Variants in VPS13A observed in about 807,000 individuals in gnomAD.
The protein encoded by VPS13A is vacuolar protein sorting 13 homolog A, also known as intermembrane lipid transfer protein VPS13A.
In VPS13A, 264 loss-of-function variants were observed where a neutral mutation model predicts 390.9. The ratio of observed to expected loss-of-function variants is 0.68; its 90% confidence interval spans 0.61 to 0.75. VPS13A has a LOEUF of 0.75. VPS13A is among the 30% of genes least tolerant of loss of function. The pLI is 0.00. For synonymous variants in VPS13A, 1,231 were observed against 1,227.1 expected (o/e 1.00, Z -0.07); for missense variants, 3,409 against 3,733.9 (o/e 0.91, Z 2.27).
At chr9:77,273,761 A>G (rs953519403) in intron 24 of VPS13A, among the ~76,000 whole-genome samples, 2 of 152,174 alleles carry the variant, frequency 1.3e-5, no homozygotes, top group Non-Finnish European at 2.9e-5. Context: ...CAGATATGTC[A>G]GTGTTTTCTC....
At chr9:77,308,461 C>T (rs1828893368) in intron 35 of VPS13A, among the ~76,000 whole-genome samples, 1 of 152,024 alleles carries the variant, frequency 6.6e-6, no homozygotes. Context: ...CCATCTTCTC[C>T]CTATCCCTAG....
intron 44 of VPS13A, 102 bp downstream of exon 44, chr9:77,321,848 TTTTG>T: frequency 2.9e-6 from 4 of 1,402,466 alleles, no homozygotes; most frequent in Non-Finnish European, 3.9e-6. Context: ...TTTTTTTTGT[TTTTG>T]TTTTTGTTTT....
intron 52 of VPS13A, among the ~76,000 whole-genome samples, chr9:77,347,832 G>A (rs1013200296): frequency 1.3e-5 from 2 of 150,172 alleles, no homozygotes; most frequent in Admixed American, 6.6e-5. Context: ...TTATCTTTCC[G>A]TGGCCTAAAT....
At chr9:77,223,594 G>A (rs553095153) in intron 13 of VPS13A, among the ~76,000 whole-genome samples, 13 of 152,264 alleles carry the variant, frequency 8.5e-5, no homozygotes, top group African/African-American at 2.6e-4. Context: ...CTTATCCAGT[G>A]CAAGGCCCTA....
chr9:77,404,658 T>C (rs1834519842), intron 69 of VPS13A, among the ~76,000 whole-genome samples: 1 of 152,214 alleles, frequency 6.6e-6, no homozygotes, highest in Non-Finnish European at 1.5e-5. Context: ...TGGACCTCTT[T>C]AGATGAGGCC....
chr9:77,194,274 G>A (rs1014219294), intron 1 of VPS13A, among the ~76,000 whole-genome samples: 5 of 152,158 alleles, frequency 3.3e-5, no homozygotes, highest in Admixed American at 6.5e-5. Flanking sequence ...GGTGGCTGTC[G>A]GGAAGTGCTG....
chr9:77,384,900 G>A, intron 68 of VPS13A: 1 of 1,382,860 alleles, frequency 7.2e-7, no homozygotes, highest in South Asian at 1.6e-5. Flanking sequence ...ACATATTATA[G>A]ATTTGCTTTT....
chr9:77,356,629 G>T (rs912072442), intron 54 of VPS13A, 85 bp from the exon 55 acceptor site: 6 of 1,417,828 alleles, frequency 4.2e-6, no homozygotes, highest in Non-Finnish European at 4.8e-6. Context: ...TTTAGTGAAG[G>T]TATTGTAATT....
intron 27 of VPS13A, 110 bp from the exon 28 acceptor site, chr9:77,281,756 TA>T: frequency 1.6e-6 from 1 of 615,126 alleles, no homozygotes; most frequent in Non-Finnish European, 2.9e-6. Flanking sequence ...TATATATATA[TA>T]TGTATATGAA....
At chr9:77,381,205 A>T (rs1833415448) in intron 67 of VPS13A, among the ~76,000 whole-genome samples, 2 of 152,116 alleles carry the variant, frequency 1.3e-5, no homozygotes, top group Admixed American at 6.6e-5. Context: ...GTGCAGTGGC[A>T]TGGGGCTCAA....
At chr9:77,390,012 C>A in intron 68 of VPS13A, 1 of 888,834 alleles carries the variant, frequency 1.1e-6, no homozygotes, top group Non-Finnish European at 1.3e-6. Context: ...AAGATAACTG[C>A]CGTCAGCCGA....
At chr9:77,308,694 G>A (rs1392811358) in intron 35 of VPS13A, among the ~76,000 whole-genome samples, 1 of 152,106 alleles carries the variant, frequency 6.6e-6, no homozygotes, top group African/African-American at 2.4e-5. Context: ...CAGCACCAGC[G>A]CATACAGAGG....
chr9:77,225,929 T>G lies in VPS13A; in HGVS notation c.1165T>G (p.Leu389Val). Residue 389 changes from leucine (L) to valine (V), a missense_variant, in exon 14 of 72, where the codon TTG (leucine) becomes GTG (valine). Physicochemically the swap from Leu to Val is conservative, Grantham distance 32. Transcript: ENST00000360280. ...CATTTTTGTTTATATTTTTCAGGAG[T>G]TGGAAAAAACCTTGGATGTCTTTAA... ...PGELLVSLEE[L>V]EKTLDVFNIT... is the part of the protein sequence containing the mutation. 6.2e-7 allele frequency: 1 copy of G among 1,610,822 alleles called. No homozygotes were observed. Among genetic ancestry groups the G allele is most frequent in the Non-Finnish European group, 8.5e-7 (1 of 1,178,054 alleles).
At chr9:77,339,494 G>GT (rs374897169) in intron 47 of VPS13A, 22 bp from the exon 48 acceptor site, 75,055 of 1,258,862 alleles carry the variant, frequency 0.06, 3 homozygotes, top group Middle Eastern at 0.063. Flanking sequence ...ATTTTGTTTT[G>GT]TTTTTTTTTT....
intron 35 of VPS13A, among the ~76,000 whole-genome samples, chr9:77,313,326 AAGT>A (rs1829202321): frequency 1.3e-5 from 2 of 152,176 alleles, no homozygotes; most frequent in East Asian, 1.9e-4. Flanking sequence ...ATCTTAATTG[AAGT>A]AGTGACTATG....
In VPS13A at chr9:77,339,928, C is replaced by G. The variant is rs774250405; in HGVS notation, c.6774+17C>G. Reference sequence around the variant, plus strand: ...AACAATAAGGTATGCGATGTTTATTCTGTTTTTCCCTTGTCTTTAGCTACT... The same window carrying G: ...AACAATAAGGTATGCGATGTTTATTGTGTTTTTCCCTTGTCTTTAGCTACT... On this transcript the variant is annotated intron_variant, in intron 48 of 71. Coordinates refer to ENST00000360280, the MANE Select transcript of VPS13A (RefSeq NM_033305.3). 6 of 1,605,306 alleles carry G rather than the reference C, an allele frequency of 3.7e-6. No individual in the cohort carries two copies. In the African/African-American group the frequency reaches 8.0e-5, roughly 21 times the overall value.
intron 59 of VPS13A, among the ~76,000 whole-genome samples, chr9:77,364,061 A>G (rs943108610): frequency 1.3e-5 from 2 of 152,110 alleles, no homozygotes; most frequent in Admixed American, 1.3e-4. Context: ...AAGAGTGATC[A>G]GAACTCTAGT....
At chr9:77,198,067 A>C (rs1421264728) in intron 1 of VPS13A, among the ~76,000 whole-genome samples, 3 of 152,214 alleles carry the variant, frequency 2.0e-5, no homozygotes, top group Admixed American at 6.5e-5. Context: ...CAGCAGCAAC[A>C]AACAGTGGCA....
intron 1 of VPS13A, 126 bp from the exon 2 acceptor site, chr9:77,199,819 T>C (rs1442451472): frequency 2.7e-6 from 2 of 727,768 alleles, no homozygotes; most frequent in Non-Finnish European, 4.4e-6. Flanking sequence ...TATAGGCAGA[T>C]TATATTATCT....
Sources: gnomAD v4.1 joint callset for allele counts (sites outside exome capture counted in the v4.1 genomes callset) on GRCh38, gnomAD v4.1.1 for gene constraint, MANE v1.5 for transcripts, NCBI Gene and HGNC (gene_info 2026-07-23, HGNC 2026-07-21) for gene names.